Variants in UFD1 observed in about 807,000 individuals in gnomAD.
The protein encoded by UFD1 is ubiquitin recognition factor in ER-associated degradation protein 1.
Under a neutral mutation model 45.9 loss-of-function variants are expected in UFD1, and 13 were observed. The ratio of observed to expected loss-of-function variants is 0.28; its 90% CI spans 0.18 to 0.45. The LOEUF is 0.45. Ranked by LOEUF, UFD1 falls within the 20% of genes least tolerant of loss-of-function variation. The probability of loss-of-function intolerance (pLI) is 1.00; values close to 1 mark genes in which losing one functional copy is unlikely to be tolerated. For synonymous variants in UFD1, 128 were observed against 139.2 expected, an observed-to-expected ratio of 0.92 and a Z score of 0.56; for missense variants, 218 against 389.2, an observed-to-expected ratio of 0.56 and a Z score of 3.70.
chr22:19,473,582 G>A (rs75077817), intron 3 of UFD1, among the ~76,000 whole-genome samples: 28,251 of 152,074 alleles, frequency 0.19, 2,733 homozygotes, highest in East Asian at 0.31. Flanking sequence ...CAGGGTCTTC[G>A]TGAGAACTGT....
chr22:19,473,219 T>A (rs2089858422), intron 3 of UFD1, among the ~76,000 whole-genome samples: 1 of 152,174 alleles, frequency 6.6e-6, no homozygotes, highest in African/African-American at 2.4e-5. Flanking sequence ...TTGTTGCAAG[T>A]GAAAGAGACT....
intron 4 of UFD1, 115 bp from the exon 5 acceptor site, chr22:19,468,118 A>G (rs2089816881): frequency 5.9e-6 from 8 of 1,363,588 alleles, no homozygotes; most frequent in Admixed American, 2.5e-5. Flanking sequence ...GAGGAACCTG[A>G]GCCAAGATAA....
chr22:19,479,089 G>A lies in UFD1; in HGVS notation c.-4C>T. 6.4e-7 allele frequency: 1 copy of A among 1,571,976 alleles called. No individual in the cohort carries two copies. The highest frequency in any genetic ancestry group is 8.7e-7 in the Non-Finnish European group (1 of 1,154,318). On this transcript the variant is annotated 5_prime_UTR_variant, in exon 1 of 12. Coordinates refer to ENST00000263202, the MANE Select transcript of UFD1 (RefSeq NM_005659.7). ...GCTGCCCGTCAGCGCTTACCATGAT[G>A]GACACCACCTGGCAGACTCCGCTCC...
rs1053849686 is a variant in UFD1 at position 19,451,249 on chromosome 22, C to T, written c.850-505G>A. ...AATCTCATGCCAATAAACTTCCTGT[C>T]TAGTATACTCCCAAGGCTACAGAAC... On this transcript the variant is annotated intron_variant, in intron 11 of 11. Coordinates refer to ENST00000263202, the MANE Select transcript of UFD1 (RefSeq NM_005659.7). 38 of 985,938 alleles carry T rather than the reference C, an allele frequency of 3.9e-5. No homozygotes were observed. The African/African-American group carries it at 6.3e-4, about 16-fold the overall frequency. The allele number at this position is 985,938 out of a possible 1,614,324, so 61.1% of individuals were successfully genotyped here. A position where few individuals can be genotyped will look rare whatever the true frequency, so the allele number is the denominator to read the frequency against.
chr22:19,462,771 A>G (rs144095229), intron 6 of UFD1, among the ~76,000 whole-genome samples: 11 of 152,254 alleles, frequency 7.2e-5, no homozygotes, highest in African/African-American at 2.6e-4. Context: ...TTATATGGCA[A>G]CATTTACCCT....
intron 4 of UFD1, chr22:19,470,528 G>C (rs1402358334): frequency 2.9e-6 from 1 of 345,790 alleles, no homozygotes; most frequent in Non-Finnish European, 5.7e-6. Flanking sequence ...TGCAACCTAA[G>C]CCTCCTGGGT....
intron 6 of UFD1, among the ~76,000 whole-genome samples, chr22:19,461,178 T>C (rs1438940063): frequency 6.6e-6 from 1 of 152,272 alleles, no homozygotes; most frequent in African/African-American, 2.4e-5. Context: ...TGTGGTAGCA[T>C]GTGTCAGAAT....
intron 7 of UFD1, 45 bp downstream of exon 7, chr22:19,458,026 T>A (rs751275069): frequency 6.2e-7 from 1 of 1,609,826 alleles, no homozygotes; most frequent in Non-Finnish European, 8.5e-7. Context: ...CAACTGCCCA[T>A]CCTCCCAGGG....
intron 4 of UFD1, among the ~76,000 whole-genome samples, chr22:19,468,418 T>G (rs772157329): frequency 2.0e-5 from 3 of 152,070 alleles, no homozygotes; most frequent in Non-Finnish European, 4.4e-5. Flanking sequence ...GACCTGGCAA[T>G]GGAATGGCCC....
At chr22:19,466,595 T>G (rs920912993) in intron 5 of UFD1, 1 of 152,238 alleles carries the variant, frequency 6.6e-6, no homozygotes, top group East Asian at 1.9e-4. Flanking sequence ...TTTGGGAGGC[T>G]GAGGCAGGTG....
chr22:19,456,632 T>C lies in UFD1; in HGVS notation c.633A>G (p.Glu211=), dbSNP rs2089725115. 2 of 1,614,166 alleles carry C rather than the reference T, an allele frequency of 1.2e-6. No individual in the cohort carries two copies. The highest frequency in any genetic ancestry group is 2.2e-5 in the South Asian group (2 of 91,082). ...CATAGCCACTGTGGTCGGCTTCACC[T>C]TCCTGACAGGGAAAAAGAAAAACAG... The part of the protein sequence containing the change: ...ERQVQHEEST[E]GEADHSGYAG... The change falls in exon 9 of 12, where the codon GAA becomes GAG. Residue 211 remains glutamate, a splice_region_variant and synonymous_variant. Transcript: ENST00000263202.
chr22:19,454,875 A>G, intron 10 of UFD1, 45 bp from the exon 11 acceptor site: 1 of 1,589,258 alleles, frequency 6.3e-7, no homozygotes, highest in Non-Finnish European at 8.6e-7. Context: ...TCCAGGAAAA[A>G]AGGACTAAAA....
intron 11 of UFD1, 121 bp from the exon 12 acceptor site, chr22:19,450,865 A>C: frequency 6.4e-7 from 1 of 1,554,426 alleles, no homozygotes; most frequent in Non-Finnish European, 8.7e-7. Context: ...GCTGGACACG[A>C]TAGCTGACAC....
chr22:19,467,174 T>TC (rs2089808646), intron 5 of UFD1: 1 of 151,116 alleles, frequency 6.6e-6, no homozygotes, highest in South Asian at 2.1e-4. Flanking sequence ...GTTTTTTTTT[T>TC]CAAGTATGCA....
At chr22:19,465,381 A>C (rs187859688) in intron 5 of UFD1, 107 bp from the exon 6 acceptor site, 1 of 912,668 alleles carries the variant, frequency 1.1e-6, no homozygotes, top group Non-Finnish European at 1.7e-6. Context: ...CCATGATGGT[A>C]CTTGAAACAC....
At chr22:19,452,007 A>C (rs1460350250) in intron 11 of UFD1, 2 of 890,602 alleles carry the variant, frequency 2.2e-6, no homozygotes, top group Non-Finnish European at 2.7e-6. Flanking sequence ...CTTCCTGAGA[A>C]AAGATGCATG....
At chr22:19,466,966 A>AT (rs2146300573) in intron 5 of UFD1, 1 of 152,398 alleles carries the variant, frequency 6.6e-6, no homozygotes, top group Admixed American at 6.5e-5. Flanking sequence ...CCCATAGGAC[A>AT]TCCCCCTGCC....
At chr22:19,464,738 G>A (rs1416193511) in intron 6 of UFD1, among the ~76,000 whole-genome samples, 1 of 152,242 alleles carries the variant, frequency 6.6e-6, no homozygotes, top group Non-Finnish European at 1.5e-5. Context: ...CCTAGGAGGT[G>A]TTGCCCTAAG....
At chr22:19,470,717 G>A (rs1447605641) in intron 4 of UFD1, 2 of 454,570 alleles carry the variant, frequency 4.4e-6, no homozygotes, top group African/African-American at 2.0e-5. Flanking sequence ...GCTGGGATTA[G>A]AGGCGTGAGC....
Sources: gnomAD v4.1 joint callset for allele counts (sites outside exome capture counted in the v4.1 genomes callset) on GRCh38, gnomAD v4.1.1 for gene constraint, MANE v1.5 for transcripts, NCBI Gene and HGNC (gene_info 2026-07-23, HGNC 2026-07-21) for gene names.